PPFIA3: variants seen among roughly 807,000 people sequenced by gnomAD.
PPFIA3 encodes the protein liprin-alpha-3.
A neutral mutation model predicts 145.8 loss-of-function variants in PPFIA3; 26 were observed. That is an observed-to-expected ratio of 0.18 (90% CI 0.13 to 0.25). The LOEUF is 0.25. Ranked by LOEUF, PPFIA3 falls within the 10% of genes least tolerant of loss-of-function variation. PPFIA3 has a pLI of 1.00. For synonymous variants in PPFIA3, 645 were observed against 661.4 expected (o/e 0.98, Z 0.38); for missense variants, 1,008 against 1,587.8 (o/e 0.63, Z 6.21).
In PPFIA3 at chr19:49,150,333, C is replaced by T; in HGVS notation, c.*111C>T. 1.6e-6 allele frequency: 1 copy of T among 631,232 alleles called. No individual in the cohort carries two copies. Among genetic ancestry groups the T allele is most frequent in the Non-Finnish European group, 2.7e-6 (1 of 369,902 alleles). The allele number at this position is 631,232 out of a possible 1,614,324, so 39.1% of individuals were successfully genotyped here. A position where few individuals can be genotyped will look rare whatever the true frequency, so the allele number is the denominator to read the frequency against. ...CGGGGAGAGCGGGCGGGGGAGCTCG[C>T]GCCGAGGACTGGACCATCTGTACAG... On this transcript the variant is annotated 3_prime_UTR_variant, in exon 30 of 30. Coordinates refer to ENST00000334186, the MANE Select transcript of PPFIA3 (RefSeq NM_003660.4).
chr19:49,131,153 C>T (rs1052604061), intron 7 of PPFIA3, among the ~76,000 whole-genome samples: 5 of 141,994 alleles, frequency 3.5e-5, no homozygotes, highest in African/African-American at 7.8e-5. Context: ...AGTGAGCCAC[C>T]GCACCCAGCC....
intron 21 of PPFIA3, 35 bp downstream of exon 21, chr19:49,143,039 C>T (rs763286167): frequency 1.3e-6 from 2 of 1,587,698 alleles, no homozygotes; most frequent in Non-Finnish European, 1.7e-6. Flanking sequence ...GCCTTCGCTT[C>T]CTCAGAGCCC....
intron 1 of PPFIA3, among the ~76,000 whole-genome samples, chr19:49,122,611 C>T (rs144651623): frequency 3.9e-5 from 6 of 152,118 alleles, no homozygotes; most frequent in South Asian, 2.1e-4. Flanking sequence ...CTTCCTAATT[C>T]GTGCCATTGA....
In PPFIA3 at chr19:49,139,686, G is replaced by A. The variant is rs746472457; in HGVS notation, c.2095G>A (p.Glu699Lys). Residue 699 changes from glutamate (E) to lysine (K), a missense_variant, in exon 17 of 30, where the codon GAA becomes AAA. This residue lies in a region of PPFIA3 where 202 missense variants were observed against 241.8 expected (regional missense o/e 0.84). Coordinates refer to ENST00000334186, the MANE Select transcript of PPFIA3 (RefSeq NM_003660.4). Reference protein sequence around the residue: ...TDKANHVPKEEAGAPRGEGPA... With the variant: ...TDKANHVPKEKAGAPRGEGPA... ...TCCTCAGAATCATGTCCCTAAGGAG[G>A]AAGCTGGAGCTCCACGAGGGGAGGG... 3.1e-6 allele frequency: 5 copies of A among 1,606,302 alleles called. No individual in the cohort carries two copies. Among genetic ancestry groups the A allele is most frequent in the South Asian group, 1.1e-5 (1 of 90,182 alleles).
intron 18 of PPFIA3, among the ~76,000 whole-genome samples, chr19:49,140,677 C>T (rs1237546569): frequency 1.0e-4 from 9 of 86,432 alleles, no homozygotes; most frequent in Admixed American, 7.1e-4. Context: ...TGTTTGGAGA[C>T]GGAGTCTTGC....
At chr19:49,124,671 C>G (rs149847377) in intron 1 of PPFIA3, among the ~76,000 whole-genome samples, 25 of 152,166 alleles carry the variant, frequency 1.6e-4, no homozygotes, top group Admixed American at 3.3e-4. Context: ...CTATGTCCAG[C>G]CTTGCTGTGT....
At chr19:49,134,323 C>T (rs2041111610) in intron 11 of PPFIA3, among the ~76,000 whole-genome samples, 158 bp downstream of exon 11, 1 of 152,162 alleles carries the variant, frequency 6.6e-6, no homozygotes, top group Admixed American at 6.5e-5. Flanking sequence ...TTGCCCAGAC[C>T]GCTTTTTCAC....
intron 7 of PPFIA3, among the ~76,000 whole-genome samples, chr19:49,132,412 AAAAAAAAAG>A (rs1401355245): frequency 2.7e-5 from 4 of 150,076 alleles, no homozygotes; most frequent in African/African-American, 9.8e-5. Context: ...AAAAAAAAAA[AAAAAAAAAG>A]AAAGAGAGAG....
chr19:49,137,047 A>C, intron 15 of PPFIA3, 136 bp downstream of exon 15: 2 of 798,896 alleles, frequency 2.5e-6, no homozygotes, highest in Admixed American at 3.3e-5. Context: ...CCCAACACTC[A>C]CTCCGCTGTC....
At chr19:49,126,638 G>A (rs1331754143) in intron 1 of PPFIA3, among the ~76,000 whole-genome samples, 2 of 151,106 alleles carry the variant, frequency 1.3e-5, no homozygotes, top group Admixed American at 6.6e-5. Flanking sequence ...CAGATTTCTG[G>A]GAAATTGAAG....
At chr19:49,131,162 CCT>C (rs2122560677) in intron 7 of PPFIA3, among the ~76,000 whole-genome samples, 1 of 139,338 alleles carries the variant, frequency 7.2e-6, no homozygotes, top group Non-Finnish European at 1.5e-5. Context: ...CCGCACCCAG[CCT>C]CTTTTTTTTT....
chr19:49,131,490 G>C (rs2041072172), intron 7 of PPFIA3, among the ~76,000 whole-genome samples: 1 of 151,802 alleles, frequency 6.6e-6, no homozygotes, highest in Admixed American at 6.6e-5. Context: ...CCTCTAAATG[G>C]AATGTTTTGT....
intron 16 of PPFIA3, 26 bp from the exon 17 acceptor site, chr19:49,139,642 C>A: frequency 6.5e-7 from 1 of 1,544,772 alleles, no homozygotes; most frequent in Non-Finnish European, 8.7e-7. Context: ...TGAACTCAAT[C>A]CAGCATCTGT....
chr19:49,145,858 C>A, intron 21 of PPFIA3, 85 bp from the exon 22 acceptor site: 1 of 1,224,466 alleles, frequency 8.2e-7, no homozygotes, highest in Non-Finnish European at 1.2e-6. Context: ...AAACGTGTGG[C>A]CCAGGGCCTT....
rs146384726 is a variant in PPFIA3, at chr19:49,135,919, C to T, written c.1661C>T (p.Ser554Phe). The part of the protein sequence containing the change: ...GRWSGVKEEP[S>F]KDWERSAPAG... ...TGGTCAGGGGTCAAGGAGGAGCCCTCCAAGGTCAGCAGCTGCCTCTGGGTC... is the reference window on the plus strand; with the variant it reads ...TGGTCAGGGGTCAAGGAGGAGCCCTTCAAGGTCAGCAGCTGCCTCTGGGTC... Residue 554 changes from serine to phenylalanine, a missense_variant, in exon 14 of 30, where the codon TCC (serine) becomes TTC (phenylalanine). Ser to Phe is a radical substitution (Grantham distance 155). Transcript: ENST00000334186. The T allele has an allele frequency of 6.2e-7, 1 of 1,609,712 alleles. No individual in the cohort carries two copies. Among genetic ancestry groups the T allele is most frequent in the African/African-American group, 1.3e-5 (1 of 74,856 alleles).
intron 1 of PPFIA3, among the ~76,000 whole-genome samples, chr19:49,121,503 G>A (rs1010443014): frequency 4.6e-5 from 7 of 152,070 alleles, no homozygotes; most frequent in South Asian, 2.1e-4. Context: ...TTGGCCAGGC[G>A]CGGTGGCTCA....
At chr19:49,142,228 G>C in intron 20 of PPFIA3, 113 bp downstream of exon 20, 1 of 1,000,822 alleles carries the variant, frequency 1.0e-6, no homozygotes. Flanking sequence ...AGAGGTGGGG[G>C]TGGCCATGGG....
intron 21 of PPFIA3, among the ~76,000 whole-genome samples, chr19:49,144,783 C>A (rs2041261727): frequency 6.6e-6 from 1 of 152,020 alleles, no homozygotes; most frequent in Non-Finnish European, 1.5e-5. Context: ...GCTCAGAGAC[C>A]TGTACTTGAA....
At chr19:49,146,119 G>C in intron 22 of PPFIA3, 47 bp from the exon 23 acceptor site, 1 of 1,612,740 alleles carries the variant, frequency 6.2e-7, no homozygotes. Flanking sequence ...TCCTCTGCCT[G>C]CCCCTTAACT....
Sources: allele counts gnomAD v4.1 joint callset (sites outside exome capture counted in the v4.1 genomes callset), GRCh38; gene constraint gnomAD v4.1.1; regional missense constraint gnomAD v4.1.1; transcripts MANE v1.5; gene names NCBI Gene and HGNC (gene_info 2026-07-23, HGNC 2026-07-21).